Variants in TRERF1 observed in about 807,000 individuals in gnomAD.
TRERF1 encodes transcriptional regulating factor 1.
In TRERF1, 27 loss-of-function variants were observed where a neutral mutation model predicts 122.9. The observed-to-expected ratio is 0.22, with a 90% CI of 0.16 to 0.30. The LOEUF (loss-of-function observed/expected upper bound fraction) is 0.30. TRERF1 is among the 10% of genes least tolerant of loss of function. The pLI, the probability that TRERF1 is intolerant of heterozygous loss-of-function variation, is 1.00. For missense variants in TRERF1, 1,248 were observed against 1,560.3 expected (o/e 0.80, Z 3.37); for synonymous variants, 636 against 641.7 (o/e 0.99, Z 0.13).
intron 5 of TRERF1, among the ~76,000 whole-genome samples, chr6:42,266,591 G>C (rs1341908856): frequency 6.6e-6 from 1 of 152,168 alleles, no homozygotes; most frequent in African/African-American, 2.4e-5. Flanking sequence ...ACAAACTCAA[G>C]GGGAAGTTCA....
At chr6:42,367,156 A>C (rs1381360100) in intron 2 of TRERF1, among the ~76,000 whole-genome samples, 1 of 152,160 alleles carries the variant, frequency 6.6e-6, no homozygotes, top group Non-Finnish European at 1.5e-5. Context: ...ATAGAAGTAT[A>C]ATATCTAGCA....
At chr6:42,379,685 C>T (rs536300866) in intron 2 of TRERF1, among the ~76,000 whole-genome samples, 97 of 152,242 alleles carry the variant, frequency 6.4e-4, no homozygotes, top group African/African-American at 2.1e-3. Flanking sequence ...CGTGTGCTAC[C>T]ACACTTGGAT....
chr6:42,373,618 G>C (rs1279248610), intron 2 of TRERF1, among the ~76,000 whole-genome samples: 1 of 152,146 alleles, frequency 6.6e-6, no homozygotes, highest in Non-Finnish European at 1.5e-5. Flanking sequence ...AGTGAGCCGA[G>C]ATGGCGCCAC....
chr6:42,421,200 A>C (rs1782716878), intron 2 of TRERF1, among the ~76,000 whole-genome samples: 2 of 152,240 alleles, frequency 1.3e-5, no homozygotes, highest in Admixed American at 1.3e-4. Flanking sequence ...CACTTGGCAA[A>C]GTGCCTTCCA....
At chr6:42,374,541 G>C (rs907255264) in intron 2 of TRERF1, among the ~76,000 whole-genome samples, 2 of 152,130 alleles carry the variant, frequency 1.3e-5, no homozygotes, top group African/African-American at 4.8e-5. Context: ...TCTGTAAATA[G>C]TCCTCTCCAG....
Position 42,259,778 on chromosome 6 carries a change from T to G in TRERF1, c.1885-55A>C. 1.9e-6 allele frequency: 3 copies of G among 1,595,808 alleles called. No homozygotes were observed. The highest frequency in any genetic ancestry group is 1.7e-6 in the Non-Finnish European group (2 of 1,178,254). Reference sequence around the variant, plus strand: ...TACTTCAGCTTCCCCCGCAGGCCATTTCCACAGGTTCAGGGAAGGGGGCCT... The same window carrying G: ...TACTTCAGCTTCCCCCGCAGGCCATGTCCACAGGTTCAGGGAAGGGGGCCT... On this transcript the variant is annotated intron_variant, in intron 8 of 17. Coordinates refer to ENST00000372922, the Ensembl canonical transcript of TRERF1. The surrounding 1 kb of genome is among the most constrained non-coding windows in gnomAD (Gnocchi z 4.9).
intron 5 of TRERF1, 40 bp from the exon 6 acceptor site, chr6:42,265,837 A>G (rs775203292): frequency 1.2e-6 from 2 of 1,605,174 alleles, no homozygotes; most frequent in Non-Finnish European, 1.7e-6. Context: ...AAAAGAAGAG[A>G]AAAAAACGTG....
chr6:42,324,129 A>G (rs1282098263), intron 3 of TRERF1, among the ~76,000 whole-genome samples: 1 of 152,202 alleles, frequency 6.6e-6, no homozygotes. Context: ...GCCCAGAAAG[A>G]GCCAAATCAA....
In TRERF1 at chr6:42,424,521, C is replaced by CA. The variant is rs1003552754; in HGVS notation, c.-454+26655dup. 4.0e-4 allele frequency among the ~76,000 whole-genome samples: 61 copies of CA among 150,748 alleles called. No homozygotes were observed. The Middle Eastern group carries it at 0.01, about 25-fold the overall frequency. Reference sequence around the variant, plus strand: ...ATACTATCTCAAATATTCCAAAATCCAAAAAAAAATCCAAAATCTGAAATA... The same window carrying CA: ...ATACTATCTCAAATATTCCAAAATCCAAAAAAAAAATCCAAAATCTGAAATA... On this transcript the variant is annotated intron_variant, in intron 2 of 17. Transcript: ENST00000372922.
chr6:42,428,772 G>A (rs1784031114), intron 2 of TRERF1, among the ~76,000 whole-genome samples: 1 of 152,220 alleles, frequency 6.6e-6, no homozygotes, highest in African/African-American at 2.4e-5. Flanking sequence ...CCTGAGGATG[G>A]ATTCATTTAG....
At chr6:42,235,403 G>A (rs560994957) in intron 16 of TRERF1, among the ~76,000 whole-genome samples, 2 of 152,254 alleles carry the variant, frequency 1.3e-5, no homozygotes, top group East Asian at 1.9e-4. Context: ...GCAGACCAGC[G>A]GGAGATTGAG....
intron 4 of TRERF1, among the ~76,000 whole-genome samples, chr6:42,278,078 C>T (rs370137917): frequency 6.6e-6 from 1 of 152,158 alleles, no homozygotes; most frequent in Non-Finnish European, 1.5e-5. Flanking sequence ...GCTTTCTCTA[C>T]ATCCAGATAA....
chr6:42,443,374 A>C (rs557691245), intron 2 of TRERF1, among the ~76,000 whole-genome samples: 1 of 152,384 alleles, frequency 6.6e-6, no homozygotes, highest in Admixed American at 6.5e-5. Flanking sequence ...ATTAGTGAAA[A>C]GCACTGGATA....
chr6:42,320,408 T>C (rs1763223331), intron 3 of TRERF1, among the ~76,000 whole-genome samples: 1 of 152,076 alleles, frequency 6.6e-6, no homozygotes, highest in Non-Finnish European at 1.5e-5. Flanking sequence ...AGGGTTGAGA[T>C]CAATTCTGAG....
At chr6:42,412,117 C>T (rs1781196410) in intron 2 of TRERF1, among the ~76,000 whole-genome samples, 1 of 150,842 alleles carries the variant, frequency 6.6e-6, no homozygotes, top group African/African-American at 2.4e-5. Flanking sequence ...TCTCCTGCCT[C>T]AGCCTCCCAA....
At chr6:42,300,289 G>A (rs916133395) in intron 4 of TRERF1, among the ~76,000 whole-genome samples, 1 of 152,170 alleles carries the variant, frequency 6.6e-6, no homozygotes, top group Non-Finnish European at 1.5e-5. Context: ...GTCGTGGACT[G>A]AGTAATCTTT....
intron 2 of TRERF1, among the ~76,000 whole-genome samples, chr6:42,439,516 G>A (rs1786095995): frequency 1.3e-5 from 2 of 152,146 alleles, no homozygotes; most frequent in South Asian, 2.1e-4. Flanking sequence ...CCTGGGAGGC[G>A]GAGGTTGCAG....
chr6:42,233,357 C>G (rs928019077), intron 16 of TRERF1, among the ~76,000 whole-genome samples: 1 of 148,990 alleles, frequency 6.7e-6, no homozygotes, highest in Admixed American at 6.7e-5. Context: ...GCGGTCTCAG[C>G]TCACTGCAAG....
intron 3 of TRERF1, among the ~76,000 whole-genome samples, chr6:42,335,394 A>G (rs1285097861): frequency 6.6e-6 from 1 of 152,218 alleles, no homozygotes; most frequent in Non-Finnish European, 1.5e-5. Flanking sequence ...GGTGCCTTAC[A>G]TGTATCAACT....
Sources: allele counts gnomAD v4.1 joint callset (sites outside exome capture counted in the v4.1 genomes callset), GRCh38; gene constraint gnomAD v4.1.1; non-coding constraint Gnocchi (gnomAD v3.1); transcripts MANE v1.5; gene names NCBI Gene and HGNC (gene_info 2026-07-23, HGNC 2026-07-21).